AHCTF1: variants seen among roughly 807,000 people sequenced by gnomAD.
The protein encoded by AHCTF1 is protein ELYS.
In AHCTF1, 24 loss-of-function variants were observed where a neutral mutation model predicts 248.4. The observed-to-expected ratio is 0.10, with a 90% CI of 0.07 to 0.14. AHCTF1 has a LOEUF of 0.14. Among genes scored for constraint, AHCTF1 ranks in the 10% least tolerant of loss-of-function variants. AHCTF1 has a pLI of 1.00. For missense variants in AHCTF1, 2,206 were observed against 2,636.2 expected (o/e 0.84, Z 3.57); for synonymous variants, 786 against 929.8 (o/e 0.85, Z 2.81).
At chr1:246,843,022 G>A (rs945394025) in intron 34 of AHCTF1, among the ~76,000 whole-genome samples, 1 of 152,104 alleles carries the variant, frequency 6.6e-6, no homozygotes, top group Admixed American at 6.5e-5. Flanking sequence ...TGTTTCCACT[G>A]TCTACTGCCC....
chr1:246,878,334 C>G (rs889874979), intron 21 of AHCTF1, among the ~76,000 whole-genome samples: 1 of 127,530 alleles, frequency 7.8e-6, no homozygotes, highest in Admixed American at 9.9e-5. Flanking sequence ...GAGGTCAAGG[C>G]TGCAGTGAGC....
rs200171102 is a variant in AHCTF1, at chr1:246,868,066, G to A, written c.3089-255C>T. The stretch of plus-strand genomic sequence containing the variant: ...CACCCTCTGCCTCCTGGGTTCAAGC[G>A]ATTCTCCTGCCTCAGCCTCCCAAGT... On this transcript the variant is annotated intron_variant, in intron 24 of 35. Transcript: ENST00000648844. Among the ~76,000 whole-genome samples the A allele has an allele frequency of 5.3e-5, 8 of 151,310 alleles. No homozygotes were observed. The East Asian group carries it at 1.4e-3, about 26-fold the overall frequency.
intron 19 of AHCTF1, 117 bp downstream of exon 19, chr1:246,888,060 C>T: frequency 8.9e-7 from 1 of 1,117,588 alleles, no homozygotes; most frequent in Non-Finnish European, 1.3e-6. Context: ...AACACCTCTT[C>T]TTAAGAAAAC....
At chr1:246,868,767 A>G (rs1056624361) in intron 24 of AHCTF1, among the ~76,000 whole-genome samples, 2 of 150,834 alleles carry the variant, frequency 1.3e-5, no homozygotes, top group African/African-American at 5.0e-5. Context: ...AGAGCAGCCA[A>G]TAAAAAAGTA....
At chr1:246,861,812 C>G in intron 28 of AHCTF1, 147 bp downstream of exon 28, 2 of 738,456 alleles carry the variant, frequency 2.7e-6, no homozygotes, top group Non-Finnish European at 4.3e-6. Context: ...TCAGAACTAA[C>G]CTTTTCTTAT....
intron 21 of AHCTF1, among the ~76,000 whole-genome samples, chr1:246,879,450 T>C (rs1448000954): frequency 6.6e-6 from 1 of 152,198 alleles, no homozygotes; most frequent in Non-Finnish European, 1.5e-5. Flanking sequence ...TTGGCACATG[T>C]GCATTACGTG....
At chr1:246,848,367 C>A (rs1173494060) in intron 33 of AHCTF1, among the ~76,000 whole-genome samples, 1 of 149,980 alleles carries the variant, frequency 6.7e-6, no homozygotes, top group Non-Finnish European at 1.5e-5. Flanking sequence ...GCGCCCGCCA[C>A]CACGCCCGGA....
intron 21 of AHCTF1, among the ~76,000 whole-genome samples, chr1:246,883,427 CT>C (rs1663600908): frequency 6.6e-6 from 1 of 152,164 alleles, no homozygotes; most frequent in South Asian, 2.1e-4. Flanking sequence ...GAATAAGTCC[CT>C]GTAAATCAGC....
intron 21 of AHCTF1, among the ~76,000 whole-genome samples, chr1:246,879,617 C>A (rs1214653729): frequency 6.6e-6 from 1 of 151,974 alleles, no homozygotes. Context: ...CATCTGAGGT[C>A]AGGAGTTTGA....
At chr1:246,901,934 A>G (rs1403346431) in intron 8 of AHCTF1, among the ~76,000 whole-genome samples, 2 of 152,244 alleles carry the variant, frequency 1.3e-5, no homozygotes, top group Non-Finnish European at 2.9e-5. Flanking sequence ...ATACAGATAC[A>G]GGCCCTAGCA....
chr1:246,855,682 C>A, intron 31 of AHCTF1, 48 bp downstream of exon 31: 1 of 1,472,888 alleles, frequency 6.8e-7, no homozygotes, highest in South Asian at 1.2e-5. Flanking sequence ...ACTCTTCACT[C>A]AAAACACAAA....
At chr1:246,869,743 G>T (rs1662431794) in intron 24 of AHCTF1, among the ~76,000 whole-genome samples, 1 of 151,904 alleles carries the variant, frequency 6.6e-6, no homozygotes, top group African/African-American at 2.4e-5. Flanking sequence ...AAATATTACT[G>T]CTCACTGATA....
At chr1:246,893,720 T>C (rs950496622) in intron 14 of AHCTF1, among the ~76,000 whole-genome samples, 1 of 152,210 alleles carries the variant, frequency 6.6e-6, no homozygotes, top group Non-Finnish European at 1.5e-5. Flanking sequence ...TCTATCAATA[T>C]GTTAAATAGA....
chr1:246,874,175 T>C (rs72766509), intron 24 of AHCTF1, among the ~76,000 whole-genome samples: 4,434 of 150,466 alleles, frequency 0.029, 90 homozygotes, highest in Middle Eastern at 0.045. Context: ...GTTTCTAGTA[T>C]ATACAAGTAG....
intron 1 of AHCTF1, among the ~76,000 whole-genome samples, chr1:246,928,918 T>C (rs1454971349): frequency 1.3e-5 from 2 of 152,226 alleles, no homozygotes; most frequent in African/African-American, 4.8e-5. Flanking sequence ...AATCACAAAC[T>C]ACTTTTAAAA....
chr1:246,868,679 TAGG>T (rs1662228175), intron 24 of AHCTF1, among the ~76,000 whole-genome samples: 1 of 150,662 alleles, frequency 6.6e-6, no homozygotes, highest in Non-Finnish European at 1.5e-5. Flanking sequence ...TCAACTGAAA[TAGG>T]AGTTCTTTCA....
rs112857397 is a variant in AHCTF1 at position 246,858,799 on chromosome 1, C to CAA, written c.4133-987_4133-986dup. Among the ~76,000 whole-genome samples the CAA allele has an allele frequency of 3.5e-3, 450 of 130,150 alleles. 1 individual carries two copies. Among genetic ancestry groups the CAA allele is most frequent in the African/African-American group, 5.7e-3 (196 of 34,136 alleles). The allele number at this position is 130,150 out of a possible 152,430, so 85.4% of individuals were successfully genotyped here. A position where few individuals can be genotyped will look rare whatever the true frequency, so the allele number is the denominator to read the frequency against. ...GGGCAACAAGAGCGAAACTCTGTCT[C>CAA]AAAAAAAAAAAAAAATAAATACAAA... On this transcript the variant is annotated intron_variant, in intron 29 of 35. Transcript: ENST00000648844.
Position 246,849,860 on chromosome 1 carries a change from G to A in AHCTF1, c.6146C>T (p.Thr2049Ile), listed in dbSNP as rs766478498. 2 of 1,613,760 alleles carry A rather than the reference G, an allele frequency of 1.2e-6. No individual in the cohort carries two copies. The highest frequency in any genetic ancestry group is 1.7e-6 in the Non-Finnish European group (2 of 1,179,796). Residue 2049 changes from threonine (T) to isoleucine (I), a missense_variant, in exon 33 of 36, where the codon ACA becomes ATA. Thr to Ile is a moderately conservative substitution (Grantham distance 89, BLOSUM62 -1). Coordinates refer to ENST00000648844, the MANE Select transcript of AHCTF1 (RefSeq NM_001323342.2). ...SMVMSSKKKLTKKTESQSQKR... is the reference protein window; with the variant it reads ...SMVMSSKKKLIKKTESQSQKR... ...TTGGCTTTGACTTTCAGTCTTTTTT[G>A]TAAGTTTTTTCTTAGAGCTCATCAC...
rs773250325 is a variant in AHCTF1 at position 246,851,245 on chromosome 1, C to T, written c.4761G>A (p.Val1587=). Residue 1587 remains valine (V), a synonymous_variant, in exon 33 of 36, where the codon GTG becomes GTA. Coordinates refer to ENST00000648844, the MANE Select transcript of AHCTF1 (RefSeq NM_001323342.2). ...DIAEVDGELF[V]AQSNFTLILE... is the part of the protein sequence containing the mutation. ...ATATCAAGGTAAAGTTGCTTTGAGC[C>T]ACAAAAAGTTCCCCATCTACTTCAG... 13 of 1,613,860 alleles carry T rather than the reference C, an allele frequency of 8.1e-6. No homozygotes were observed. In the South Asian group the frequency reaches 1.3e-4, roughly 16 times the overall value.
Sources: allele counts gnomAD v4.1 joint callset (sites outside exome capture counted in the v4.1 genomes callset), GRCh38; gene constraint gnomAD v4.1.1; transcripts MANE v1.5; gene names NCBI Gene and HGNC (gene_info 2026-07-23, HGNC 2026-07-21).